NEO1: variants seen among roughly 807,000 people sequenced by gnomAD.
The protein encoded by NEO1 is neogenin.
A neutral mutation model predicts 159.7 loss-of-function variants in NEO1; 63 were observed. That is an observed-to-expected ratio of 0.39 (90% CI 0.32 to 0.49). The LOEUF is 0.49. Ranked by LOEUF, NEO1 falls within the 20% of genes least tolerant of loss-of-function variation. The pLI is 0.85. For synonymous variants in NEO1, 633 were observed against 662.0 expected (o/e 0.96, Z 0.67); for missense variants, 1,615 against 1,831.0 (o/e 0.88, Z 2.15).
At chr15:73,101,369 T>G (rs1201296192) in intron 1 of NEO1, among the ~76,000 whole-genome samples, 1 of 152,268 alleles carries the variant, frequency 6.6e-6, no homozygotes, top group African/African-American at 2.4e-5. Flanking sequence ...GTCAAGGGGA[T>G]TCTTCTGCCA....
At chr15:73,186,787 G>A (rs1010692641) in intron 7 of NEO1, among the ~76,000 whole-genome samples, 5 of 152,062 alleles carry the variant, frequency 3.3e-5, no homozygotes, top group African/African-American at 7.2e-5. Flanking sequence ...AGGGTAACAC[G>A]CAACAAAATT....
At chr15:73,061,688 A>C (rs1355528450) in intron 1 of NEO1, among the ~76,000 whole-genome samples, 3 of 152,196 alleles carry the variant, frequency 2.0e-5, no homozygotes, top group Non-Finnish European at 4.4e-5. Flanking sequence ...ATGTGAAATC[A>C]TACACTCCAA....
intron 7 of NEO1, among the ~76,000 whole-genome samples, chr15:73,185,261 CTAATA>C (rs933688844): frequency 6.6e-6 from 1 of 152,102 alleles, no homozygotes; most frequent in African/African-American, 2.4e-5. Flanking sequence ...AGAGTGAACA[CTAATA>C]TAAACTATGG....
chr15:73,085,836 C>A (rs1231625970), intron 1 of NEO1, among the ~76,000 whole-genome samples: 1 of 152,014 alleles, frequency 6.6e-6, no homozygotes, highest in East Asian at 1.9e-4. Flanking sequence ...GTTTTGAATT[C>A]TTTATATATT....
chr15:73,120,087 G>A (rs933433694), intron 2 of NEO1, among the ~76,000 whole-genome samples: 1 of 152,082 alleles, frequency 6.6e-6, no homozygotes, highest in African/African-American at 2.4e-5. Context: ...AGTGAGCCAA[G>A]ATTGTGCCAC....
chr15:73,254,568 C>T, intron 12 of NEO1, 114 bp from the exon 13 acceptor site: 3 of 1,066,610 alleles, frequency 2.8e-6, no homozygotes, highest in Non-Finnish European at 2.6e-6. Context: ...CTCTGAGTAC[C>T]TTGCTGCCTC....
intron 7 of NEO1, among the ~76,000 whole-genome samples, chr15:73,209,547 G>A (rs151143708): frequency 0.014 from 2,069 of 152,262 alleles, 19 homozygotes; most frequent in South Asian, 0.017. Flanking sequence ...TGGAGGAAAT[G>A]AACTCTATCA....
At chr15:73,134,556 C>CTT (rs869160109) in intron 4 of NEO1, among the ~76,000 whole-genome samples, 1 of 143,370 alleles carries the variant, frequency 7.0e-6, no homozygotes, top group Non-Finnish European at 1.5e-5. Flanking sequence ...ATAAGGAATT[C>CTT]TTTTTTTTTT....
At chr15:73,097,276 C>T (rs767467642) in intron 1 of NEO1, among the ~76,000 whole-genome samples, 74 of 151,538 alleles carry the variant, frequency 4.9e-4, no homozygotes, top group Non-Finnish European at 7.8e-4. Flanking sequence ...GAAATAAAGA[C>T]GATATTTTAA....
At chr15:73,301,673 CTTT>C in intron 28 of NEO1, 15 of 468,582 alleles carry the variant, frequency 3.2e-5, no homozygotes, top group South Asian at 1.1e-4. Context: ...CATATCCACT[CTTT>C]TTTTTTTTTG....
chr15:73,167,887 A>G (rs1596233104), intron 5 of NEO1, among the ~76,000 whole-genome samples: 1 of 152,230 alleles, frequency 6.6e-6, no homozygotes, highest in East Asian at 1.9e-4. Flanking sequence ...CATGAGCACA[A>G]ATGTTGGTGC....
At chr15:73,141,154 C>T (rs1687185920) in intron 5 of NEO1, among the ~76,000 whole-genome samples, 1 of 151,994 alleles carries the variant, frequency 6.6e-6, no homozygotes, top group South Asian at 2.1e-4. Context: ...GAGCCCTGTC[C>T]CATAATTGAA....
intron 5 of NEO1, among the ~76,000 whole-genome samples, chr15:73,168,349 A>T (rs2034713633): frequency 9.5e-6 from 1 of 105,134 alleles, no homozygotes; most frequent in Non-Finnish European, 1.7e-5. Context: ...GGGTCCAGCT[A>T]ATTTTTGTAT....
At position 73,119,355 on chromosome 15, in the gene NEO1, CTGAT is replaced by C. The variant is rs538787447; in HGVS notation, c.448+2501_448+2504del. ...GTTTTTTGGTTGCAAGCAGTAGAAA[CTGAT>C]TGTAGCCAAGTCAAGCAAGAAGGGA... On this transcript the variant is annotated intron_variant, in intron 2 of 28. Coordinates refer to ENST00000261908, the MANE Select transcript of NEO1 (RefSeq NM_002499.4). Among the ~76,000 whole-genome samples the C allele has an allele frequency of 7.6e-4, 115 of 152,234 alleles. 1 individual carries two copies. The South Asian group carries it at 0.024, about 31-fold the overall frequency.
intron 1 of NEO1, among the ~76,000 whole-genome samples, chr15:73,080,258 T>A (rs2068973343): frequency 6.6e-6 from 1 of 152,208 alleles, no homozygotes; most frequent in Non-Finnish European, 1.5e-5. Context: ...CTAAAGTAAC[T>A]GTGAACACTG....
intron 5 of NEO1, among the ~76,000 whole-genome samples, chr15:73,163,176 C>T (rs772499736): frequency 3.3e-5 from 5 of 151,202 alleles, no homozygotes; most frequent in South Asian, 2.1e-4. Context: ...TTTTTTGATA[C>T]GTAAGAATGT....
chr15:73,169,572 A>G (rs571757268), intron 5 of NEO1, among the ~76,000 whole-genome samples: 25 of 150,846 alleles, frequency 1.7e-4, no homozygotes, highest in Non-Finnish European at 2.7e-4. Flanking sequence ...ATTGCTTATG[A>G]TGATTTTTTC....
At chr15:73,073,085 C>T (rs987035340) in intron 1 of NEO1, among the ~76,000 whole-genome samples, 11 of 152,040 alleles carry the variant, frequency 7.2e-5, no homozygotes, top group African/African-American at 2.7e-4. Context: ...TGATGGAAGA[C>T]ATGGGCTGTA....
intron 4 of NEO1, among the ~76,000 whole-genome samples, chr15:73,134,859 T>C (rs2031570775): frequency 6.6e-6 from 1 of 152,108 alleles, no homozygotes; most frequent in Non-Finnish European, 1.5e-5. Flanking sequence ...AATCAGAACG[T>C]TTTTTAATTG....
Sources: gnomAD v4.1 joint callset for allele counts (sites outside exome capture counted in the v4.1 genomes callset) on GRCh38, gnomAD v4.1.1 for gene constraint, MANE v1.5 for transcripts, NCBI Gene and HGNC (gene_info 2026-07-23, HGNC 2026-07-21) for gene names.